MCM8: variants seen among roughly 807,000 people sequenced by gnomAD.
MCM8 encodes minichromosome maintenance 8 homologous recombination repair factor, also known as DNA helicase MCM8.
Under a neutral mutation model 98.9 loss-of-function variants are expected in MCM8, and 85 were observed. The ratio of observed to expected loss-of-function variants is 0.86; its 90% CI spans 0.72 to 1.03. The LOEUF is 1.03. Ranked by LOEUF, MCM8 falls within the 50% of genes least tolerant of loss-of-function variation. The pLI is 0.00. For missense variants in MCM8, 951 were observed against 997.8 expected, an observed-to-expected ratio of 0.95 and a Z score of 0.63; for synonymous variants, 352 against 338.6, an observed-to-expected ratio of 1.04 and a Z score of -0.44.
intron 6 of MCM8, among the ~76,000 whole-genome samples, chr20:5,957,751 T>G (rs1285095747): frequency 6.6e-6 from 1 of 152,218 alleles, no homozygotes; most frequent in African/African-American, 2.4e-5. Context: ...TGTAATACAC[T>G]AAGTGTTCTT....
In MCM8 at chr20:5,952,177, A is replaced by G. The variant is rs1031350002; in HGVS notation, c.148+14A>G. 6.2e-6 allele frequency: 10 copies of G among 1,610,606 alleles called. No homozygotes were observed. The highest frequency in any genetic ancestry group is 1.3e-5 in the African/African-American group (1 of 74,788). ...AACGTACTTCTGGTAGGTGAGGTCA[A>G]TGATTGTTCAATTTTTTTCACTTAA... On this transcript the variant is annotated intron_variant, in intron 2 of 18. Coordinates refer to ENST00000610722, the MANE Select transcript of MCM8 (RefSeq NM_032485.6).
chr20:5,977,358 G>A (rs886643003), intron 12 of MCM8, among the ~76,000 whole-genome samples: 1 of 152,210 alleles, frequency 6.6e-6, no homozygotes, highest in Non-Finnish European at 1.5e-5. Context: ...GCTGGTGCAT[G>A]GTGGAGCCAC....
rs778736566 is a variant in MCM8 at position 5,994,066 on chromosome 20, A to C, written c.2431-233A>C. On this transcript the variant is annotated intron_variant, in intron 18 of 18. Transcript: ENST00000610722. ...AAAGTTAGCTTGATTTTTTTCAGCT[A>C]ACCTAAAACAAATGTAAAATATTCT... is the stretch of plus-strand genomic sequence containing the variant. The C allele has an allele frequency of 4.1e-4, 154 of 377,580 alleles. 1 individual carries two copies. In the Middle Eastern group the frequency reaches 5.0e-3, roughly 12 times the overall value. 23.4% of individuals were successfully genotyped at this position (377,580 alleles called of 1,614,324 possible). A position where few individuals can be genotyped will look rare whatever the true frequency, so the allele number is the denominator to read the frequency against.
chr20:5,974,251 CTCTCAA>C (rs2089463709), intron 12 of MCM8, among the ~76,000 whole-genome samples: 1 of 152,200 alleles, frequency 6.6e-6, no homozygotes, highest in Non-Finnish European at 1.5e-5. Context: ...CCAACTCAGC[CTCTCAA>C]GTAGCTGGGA....
At chr20:5,986,334 A>G (rs932849441) in intron 16 of MCM8, among the ~76,000 whole-genome samples, 1 of 152,196 alleles carries the variant, frequency 6.6e-6, no homozygotes, top group African/African-American at 2.4e-5. Flanking sequence ...CTAGTCACAG[A>G]ATCAATTACT....
Position 5,973,155 on chromosome 20 carries a change from G to C in MCM8, c.1354G>C (p.Val452Leu), listed in dbSNP as rs988314364. 8.1e-6 allele frequency: 13 copies of C among 1,614,194 alleles called. No individual in the cohort carries two copies. The highest frequency in any genetic ancestry group is 1.1e-5 in the Non-Finnish European group (13 of 1,180,024). Reference sequence around the variant, plus strand: ...AATTCGGGGAGACCCCCACATCCTTGTTGTTGGAGATCCAGGCCTAGGAAA... The same window carrying C: ...AATTCGGGGAGACCCCCACATCCTTCTTGTTGGAGATCCAGGCCTAGGAAA... ...IPIRGDPHIL[V>L]VGDPGLGKSQ... Residue 452 changes from valine (V) to leucine (L), a missense_variant, in exon 12 of 19, where the codon GTT (valine) becomes CTT (leucine). Val to Leu is a conservative substitution (Grantham distance 32). Coordinates refer to ENST00000610722, the MANE Select transcript of MCM8 (RefSeq NM_032485.6).
chr20:5,967,862 C>T lies in MCM8; in HGVS notation c.1060C>T (p.Leu354Phe), dbSNP rs756605488. ...AAATAAGAATGACAAGTGTATGTTC[C>T]TTTTGTATATTGAAGCAAATTCTAT... is the stretch of plus-strand genomic sequence containing the variant. ...SRNKNDKCMF[L>F]LYIEANSISN... The change falls in exon 10 of 19, where the codon CTT becomes TTT. Residue 354 changes from leucine (L) to phenylalanine (F), a missense_variant. By Grantham distance (22) the Leu-to-Phe change is conservative. Transcript: ENST00000610722. The T allele has an allele frequency of 2.5e-6, 4 of 1,612,286 alleles. No individual in the cohort carries two copies. The highest frequency in any genetic ancestry group is 1.7e-5 in the Admixed American group (1 of 59,754).
chr20:5,951,906 C>T, intron 1 of MCM8, 105 bp from the exon 2 acceptor site: 1 of 1,304,274 alleles, frequency 7.7e-7, no homozygotes, highest in Non-Finnish European at 1.0e-6. Flanking sequence ...GTTTGCTACT[C>T]TTGAACCTAG....
At chr20:5,952,688 TTA>T (rs1011055334) in intron 3 of MCM8, among the ~76,000 whole-genome samples, 160 bp downstream of exon 3, 35 of 152,202 alleles carry the variant, frequency 2.3e-4, no homozygotes, top group Non-Finnish European at 4.4e-4. Flanking sequence ...CAAAAGCATT[TTA>T]GACTTTATAT....
intron 3 of MCM8, among the ~76,000 whole-genome samples, chr20:5,952,951 C>G (rs892919771): frequency 6.6e-6 from 1 of 152,124 alleles, no homozygotes; most frequent in Non-Finnish European, 1.5e-5. Context: ...TTGAGGGGCA[C>G]CCTACAAAGC....
chr20:5,990,717 G>A (rs2089833395), intron 17 of MCM8, among the ~76,000 whole-genome samples: 2 of 152,144 alleles, frequency 1.3e-5, no homozygotes, highest in Non-Finnish European at 2.9e-5. Context: ...CATTAGGAAA[G>A]TAAGTCACAA....
chr20:5,977,747 A>G, intron 12 of MCM8, 129 bp from the exon 13 acceptor site: 2 of 901,808 alleles, frequency 2.2e-6, no homozygotes, highest in South Asian at 3.8e-5. Context: ...TCTGCTGGTG[A>G]TGGTGCACCT....
At chr20:5,951,445 A>G (rs576232529) in intron 1 of MCM8, among the ~76,000 whole-genome samples, 1 of 133,190 alleles carries the variant, frequency 7.5e-6, no homozygotes, top group African/African-American at 3.4e-5. Flanking sequence ...GCGTACAGGT[A>G]TATCTTTATT....
At chr20:5,974,570 A>T (rs914281041) in intron 12 of MCM8, among the ~76,000 whole-genome samples, 1 of 152,194 alleles carries the variant, frequency 6.6e-6, no homozygotes, top group Non-Finnish European at 1.5e-5. Flanking sequence ...TGCACATCTT[A>T]ATTACTTTTG....
intron 13 of MCM8, 111 bp downstream of exon 13, chr20:5,978,128 C>G: frequency 8.1e-7 from 1 of 1,232,256 alleles, no homozygotes; most frequent in Non-Finnish European, 1.1e-6. Context: ...ATAGCAAAGT[C>G]CTAACCAGTA....
In MCM8 at chr20:5,986,132, G is replaced by A. The variant is rs1198324087; in HGVS notation, c.2163+1G>A. ...GGAATCTTTGATTCGTCTGACAGAG[G>A]TTTGTTTCTTTTTATGGTCATGCTT... On this transcript the variant is annotated splice_donor_variant, in intron 16 of 18. Coordinates refer to ENST00000610722, the MANE Select transcript of MCM8 (RefSeq NM_032485.6). LOFTEE classifies it high-confidence loss of function. The A allele has an allele frequency of 6.2e-7, 1 of 1,613,894 alleles. No individual in the cohort carries two copies. The highest frequency in any genetic ancestry group is 8.5e-7 in the Non-Finnish European group (1 of 1,179,956).
At chr20:5,992,075 T>C (rs2089864650) in intron 17 of MCM8, among the ~76,000 whole-genome samples, 1 of 152,188 alleles carries the variant, frequency 6.6e-6, no homozygotes, top group South Asian at 2.1e-4. Flanking sequence ...TCTCCTAAAA[T>C]TGAAAACATA....
In MCM8 at chr20:5,998,192, A is replaced by T. The variant is rs1258803662; in HGVS notation, c.*3801A>T. The T allele has an allele frequency of 6.6e-6, 1 of 152,252 alleles. No homozygotes were observed. Among genetic ancestry groups the T allele is most frequent in the East Asian group, 1.9e-4 (1 of 5,204 alleles). The allele number at this position is 152,252 out of a possible 1,614,324, so 9.4% of individuals were successfully genotyped here. A position where few individuals can be genotyped will look rare whatever the true frequency, so the allele number is the denominator to read the frequency against. On this transcript the variant is annotated 3_prime_UTR_variant, in exon 19 of 19. Coordinates refer to ENST00000610722, the MANE Select transcript of MCM8 (RefSeq NM_032485.6). ...TAGCCAAAGAGGTGGATAAATGTAG[A>T]TACAATGATACGGTGATTTGGTATT...
chr20:5,997,958 A>G lies in MCM8; in HGVS notation c.*3567A>G, dbSNP rs750106916. ...ATCATTTCATTTTTAGGATAGAGAT[A>G]TCAAGGTGAGGGTATAACTGAACGA... On this transcript the variant is annotated 3_prime_UTR_variant, in exon 19 of 19. Coordinates refer to ENST00000610722, the MANE Select transcript of MCM8 (RefSeq NM_032485.6). 1 of 152,248 alleles carries G rather than the reference A, an allele frequency of 6.6e-6. No individual in the cohort carries two copies. Among genetic ancestry groups the G allele is most frequent in the Non-Finnish European group, 1.5e-5 (1 of 68,032 alleles). The allele number at this position is 152,248 out of a possible 1,614,324, so 9.4% of individuals were successfully genotyped here. A position where few individuals can be genotyped will look rare whatever the true frequency, so the allele number is the denominator to read the frequency against.
Sources: gnomAD v4.1 joint callset for allele counts (sites outside exome capture counted in the v4.1 genomes callset) on GRCh38, gnomAD v4.1.1 for gene constraint, MANE v1.5 for transcripts, NCBI Gene and HGNC (gene_info 2026-07-23, HGNC 2026-07-21) for gene names.